SENP5: variants seen among roughly 807,000 people sequenced by gnomAD.
SENP5 encodes SUMO specific peptidase 5.
In SENP5, 21 loss-of-function variants were observed where a neutral mutation model predicts 74.2. That is an observed-to-expected ratio of 0.28 (90% CI 0.20 to 0.41). SENP5 has a LOEUF of 0.41. SENP5 is among the 10% of genes least tolerant of loss of function. The pLI is 1.00. For missense variants in SENP5, 717 were observed against 889.1 expected (o/e 0.81, Z 2.46); for synonymous variants, 311 against 312.7 (o/e 0.99, Z 0.06).
intron 1 of SENP5, among the ~76,000 whole-genome samples, chr3:196,884,083 G>T (rs1363111281): frequency 6.6e-6 from 1 of 152,190 alleles, no homozygotes; most frequent in Non-Finnish European, 1.5e-5. Context: ...ATTATAATTT[G>T]CTCATAGCAA....
chr3:196,868,433 T>C (rs1355691777), intron 1 of SENP5, among the ~76,000 whole-genome samples: 1 of 152,232 alleles, frequency 6.6e-6, no homozygotes, highest in Non-Finnish European at 1.5e-5. Flanking sequence ...GGTTTTTATT[T>C]GCTTAGACCG....
chr3:196,873,732 CGG>C (rs1283719834), intron 1 of SENP5, among the ~76,000 whole-genome samples: 2 of 151,786 alleles, frequency 1.3e-5, no homozygotes, highest in Non-Finnish European at 2.9e-5. Context: ...CCCAGCTACT[CGG>C]GAGGCTGAGG....
At chr3:196,871,645 A>C (rs1713220339) in intron 1 of SENP5, among the ~76,000 whole-genome samples, 1 of 152,050 alleles carries the variant, frequency 6.6e-6, no homozygotes. Context: ...TGATCACCTG[A>C]GGTCAGGAGT....
intron 1 of SENP5, among the ~76,000 whole-genome samples, chr3:196,873,712 C>T (rs1438959932): frequency 6.6e-5 from 10 of 151,906 alleles, no homozygotes; most frequent in East Asian, 2.0e-4. Flanking sequence ...TGGTGGCGGG[C>T]GCCTGAAGTC....
intron 6 of SENP5, among the ~76,000 whole-genome samples, chr3:196,913,645 G>A (rs1348770654): frequency 5.7e-5 from 8 of 139,434 alleles, no homozygotes; most frequent in Non-Finnish European, 9.4e-5. Flanking sequence ...TTATAAGAAA[G>A]GCTTTTTTTT....
intron 6 of SENP5, among the ~76,000 whole-genome samples, chr3:196,908,603 C>T (rs1715000583): frequency 6.6e-6 from 1 of 152,184 alleles, no homozygotes; most frequent in African/African-American, 2.4e-5. Flanking sequence ...GCGGGTAGAT[C>T]ACCTGAGGTC....
At chr3:196,922,978 CCT>C (rs1715679785) in intron 6 of SENP5, among the ~76,000 whole-genome samples, 1 of 152,060 alleles carries the variant, frequency 6.6e-6, no homozygotes, top group Non-Finnish European at 1.5e-5. Flanking sequence ...GTCTCAAACT[CCT>C]GGGCTCAAGC....
At chr3:196,912,109 C>CTA (rs930254516) in intron 6 of SENP5, among the ~76,000 whole-genome samples, 11 of 152,102 alleles carry the variant, frequency 7.2e-5, no homozygotes, top group African/African-American at 2.7e-4. Context: ...AAATCATTCT[C>CTA]TATAGAGACA....
intron 1 of SENP5, among the ~76,000 whole-genome samples, chr3:196,877,732 A>G (rs1713543162): frequency 6.6e-6 from 1 of 152,156 alleles, no homozygotes; most frequent in Non-Finnish European, 1.5e-5. Context: ...TTTTCCCTGT[A>G]ATTTAGAATT....
chr3:196,927,868 G>A lies in SENP5; in HGVS notation c.2095G>A (p.Ala699Thr). Residue 699 changes from alanine to threonine, a missense_variant, in exon 8 of 10, where the codon GCT (alanine) becomes ACT (threonine). Physicochemically the swap from Ala to Thr is moderately conservative, Grantham distance 58. Coordinates refer to ENST00000323460, the MANE Select transcript of SENP5 (RefSeq NM_152699.5). The stretch of plus-strand genomic sequence containing the variant: ...TGAATTTCTTCAGGGTTGGCAGACT[G>A]CTGTTACGAAGGTAAGTATGTGATA... The part of the protein sequence containing the change: ...RPEFLQGWQT[A>T]VTKCIPQQKN... 1 of 1,607,762 alleles carries A rather than the reference G, an allele frequency of 6.2e-7. No individual in the cohort carries two copies. Among genetic ancestry groups the A allele is most frequent in the Non-Finnish European group, 8.5e-7 (1 of 1,174,236 alleles).
rs990171644 is a variant in SENP5, at chr3:196,891,914, C to T, written c.1513+5220C>T. Among the ~76,000 whole-genome samples the T allele has an allele frequency of 5.1e-4, 76 of 147,976 alleles. No individual in the cohort carries two copies. The East Asian group carries it at 6.0e-3, about 12-fold the overall frequency. On this transcript the variant is annotated intron_variant, in intron 2 of 9. Coordinates refer to ENST00000323460, the MANE Select transcript of SENP5 (RefSeq NM_152699.5). ...CAAGCGATTCTCCTGCCTCAGCCTCCGGAGTAGCTGGGACTATAGGCATGT... is the reference window on the plus strand; with the variant it reads ...CAAGCGATTCTCCTGCCTCAGCCTCTGGAGTAGCTGGGACTATAGGCATGT...
intron 6 of SENP5, among the ~76,000 whole-genome samples, chr3:196,917,354 T>C (rs563786567): frequency 7.2e-5 from 11 of 152,020 alleles, no homozygotes; most frequent in South Asian, 2.1e-4. Flanking sequence ...CTGAGAGTTA[T>C]TGGTCTTAAA....
chr3:196,907,453 CAAAAA>C (rs71623311), intron 6 of SENP5, among the ~76,000 whole-genome samples: 1 of 115,362 alleles, frequency 8.7e-6, no homozygotes, highest in Non-Finnish European at 1.7e-5. Flanking sequence ...GACTCCGTCT[CAAAAA>C]AAAAAAAAAA....
At chr3:196,902,221 A>G (rs2880235) in intron 5 of SENP5, among the ~76,000 whole-genome samples, 28,360 of 152,248 alleles carry the variant, frequency 0.19, 3,486 homozygotes, top group Non-Finnish European at 0.24. Context: ...GGCTCAAGCA[A>G]TCTTCTCGCC....
intron 1 of SENP5, among the ~76,000 whole-genome samples, chr3:196,878,045 G>C (rs1225732637): frequency 1.3e-5 from 2 of 152,136 alleles, no homozygotes; most frequent in African/African-American, 2.4e-5. Context: ...AAACCCTCTA[G>C]ATAACAAAGA....
At chr3:196,879,483 A>G (rs138335168) in intron 1 of SENP5, among the ~76,000 whole-genome samples, 65 of 152,276 alleles carry the variant, frequency 4.3e-4, no homozygotes, top group African/African-American at 1.5e-3. Context: ...TAGAAATTCT[A>G]TCAGGATCAC....
At chr3:196,902,622 C>G (rs1218493915) in intron 5 of SENP5, among the ~76,000 whole-genome samples, 1 of 152,178 alleles carries the variant, frequency 6.6e-6, no homozygotes, top group Non-Finnish European at 1.5e-5. Flanking sequence ...GGTCAGGTGA[C>G]CACACTCTGA....
chr3:196,876,659 T>A (rs1167750335), intron 1 of SENP5, among the ~76,000 whole-genome samples: 2 of 149,390 alleles, frequency 1.3e-5, no homozygotes, highest in Admixed American at 6.7e-5. Flanking sequence ...GGTGGGCGGA[T>A]CACTTGAGTC....
chr3:196,879,772 A>T (rs1323239505), intron 1 of SENP5, among the ~76,000 whole-genome samples: 1 of 152,068 alleles, frequency 6.6e-6, no homozygotes, highest in Admixed American at 6.6e-5. Flanking sequence ...GTTAGTTGTT[A>T]TGTTAGTTTC....
Sources: gnomAD v4.1 joint callset for allele counts (sites outside exome capture counted in the v4.1 genomes callset) on GRCh38, gnomAD v4.1.1 for gene constraint, MANE v1.5 for transcripts, NCBI Gene and HGNC (gene_info 2026-07-23, HGNC 2026-07-21) for gene names.